The following SIGLEC9 variants were observed in gnomAD, a reference collection of about 807,000 sequenced individuals.
SIGLEC9 encodes sialic acid binding Ig like lectin 9.
Under a neutral mutation model 38.3 loss-of-function variants are expected in SIGLEC9, and 26 were observed. That is an observed-to-expected ratio of 0.68 (90% CI 0.50 to 0.94). SIGLEC9 has a LOEUF of 0.94. Among genes scored for constraint, SIGLEC9 ranks in the 40% least tolerant of loss-of-function variants. The pLI is 0.00. For missense variants in SIGLEC9, 556 were observed against 585.7 expected (o/e 0.95, Z 0.52); for synonymous variants, 236 against 248.0 (o/e 0.95, Z 0.45).
chr19:51,125,068 C>T lies in SIGLEC9; in HGVS notation c.94C>T (p.Gln32Ter). ...LLTMQSSVTV[Q>*]EGLCVHVPCS... Reference sequence around the variant, plus strand: ...GACGATGCAGAGTTCCGTGACGGTGCAGGAAGGCCTGTGTGTCCATGTGCC... The same window carrying T: ...GACGATGCAGAGTTCCGTGACGGTGTAGGAAGGCCTGTGTGTCCATGTGCC... The change falls in exon 1 of 7, where the codon CAG (glutamine) becomes TAG (stop). Residue 32 changes from glutamine to a stop codon, truncating the protein, a stop_gained. Transcript: ENST00000250360. LOFTEE classifies it high-confidence loss of function. 3.7e-6 allele frequency: 6 copies of T among 1,614,074 alleles called. No homozygotes were observed. The highest frequency in any genetic ancestry group is 5.1e-6 in the Non-Finnish European group (6 of 1,179,980).
In SIGLEC9 at chr19:51,125,377, C is replaced by G. The variant is rs1212085377; in HGVS notation, c.403C>G (p.Leu135Val). The G allele has an allele frequency of 6.3e-7, 1 of 1,586,808 alleles. No individual in the cohort carries two copies. The highest frequency in any genetic ancestry group is 8.6e-7 in the Non-Finnish European group (1 of 1,165,502). Residue 135 changes from leucine to valine, a missense_variant, in exon 1 of 7, where the codon CTC (leucine) becomes GTC (valine). Leu to Val is a conservative substitution (Grantham distance 32, BLOSUM62 1). Coordinates refer to ENST00000250360, the MANE Select transcript of SIGLEC9 (RefSeq NM_014441.3). ...AAAATGGAATTATAAACATCACCGG[C>G]TCTCTGTGAATGTGACAGGTAAGGC... ...SIKWNYKHHR[L>V]SVNVTALTHR...
At chr19:51,129,146 G>GTTT (rs750894593) in intron 6 of SIGLEC9, among the ~76,000 whole-genome samples, 3 of 136,184 alleles carry the variant, frequency 2.2e-5, no homozygotes, top group Non-Finnish European at 3.1e-5. Context: ...GACTTTTTTT[G>GTTT]TTTTTTTTTT....
intron 6 of SIGLEC9, among the ~76,000 whole-genome samples, chr19:51,129,483 C>T (rs1890658156): frequency 6.6e-6 from 1 of 151,858 alleles, no homozygotes; most frequent in South Asian, 2.1e-4. Flanking sequence ...TAAGCACCTA[C>T]CTCTCCACTA....
chr19:51,133,564 AGAGT>A (rs2092028189), downstream of SIGLEC9, among the ~76,000 whole-genome samples: 1 of 152,208 alleles, frequency 6.6e-6, no homozygotes, highest in Non-Finnish European at 1.5e-5. Flanking sequence ...GCCTGGCGAC[AGAGT>A]GAGACCCCAT....
rs2091976879 is a variant in SIGLEC9, at chr19:51,125,996, CCT to C, written c.701-84_701-83del. 1.9e-6 allele frequency: 3 copies of C among 1,580,344 alleles called. No individual in the cohort carries two copies. The African/African-American group carries it at 4.0e-5, about 21-fold the overall frequency. On this transcript the variant is annotated intron_variant, in intron 2 of 6. Transcript: ENST00000250360. The stretch of plus-strand genomic sequence containing the variant: ...TCAGGAGGACACTGGCTCTGCCTTC[CCT>C]GTTTATGCGGCTCCTGGGGACAGAC...
At chr19:51,124,346 C>T (rs757373501), upstream of SIGLEC9, among the ~76,000 whole-genome samples, 7 of 152,130 alleles carry the variant, frequency 4.6e-5, no homozygotes, top group Non-Finnish European at 8.8e-5. Flanking sequence ...GGGAGAGTGA[C>T]CCCATCCTGC....
At chr19:51,128,761 C>T in intron 6 of SIGLEC9, 1 of 438,700 alleles carries the variant, frequency 2.3e-6, no homozygotes, top group Non-Finnish European at 4.2e-6. Flanking sequence ...CACCTGTCTG[C>T]CTGTCTCCTC....
upstream of SIGLEC9, chr19:51,124,904 C>A: frequency 6.5e-7 from 1 of 1,541,342 alleles, no homozygotes; most frequent in Non-Finnish European, 8.7e-7. Context: ...AGTCTTGAGC[C>A]CGCAGTTCCT....
chr19:51,128,346 G>T, intron 5 of SIGLEC9, 68 bp from the exon 6 acceptor site: 3 of 1,541,510 alleles, frequency 1.9e-6, no homozygotes, highest in Non-Finnish European at 2.7e-6. Flanking sequence ...AAACACATGG[G>T]GGTACCTGGT....
chr19:51,132,721 C>T (rs1464999613), downstream of SIGLEC9, among the ~76,000 whole-genome samples: 1 of 152,164 alleles, frequency 6.6e-6, no homozygotes, highest in Non-Finnish European at 1.5e-5. Flanking sequence ...CTGTATAAAC[C>T]TCTTTTCTTT....
In SIGLEC9 at chr19:51,125,599, T is replaced by C; in HGVS notation, c.424T>C (p.Leu142=). 6.2e-7 allele frequency: 1 copy of C among 1,610,106 alleles called. No individual in the cohort carries two copies. Among genetic ancestry groups the C allele is most frequent in the South Asian group, 1.1e-5 (1 of 91,088 alleles). ...HHRLSVNVTA[L]THRPNILIPG... ...CTGAGTCCCCCTCTCTTCACCAGCC[T>C]TGACCCACAGGCCCAACATCCTCAT... The change falls in exon 2 of 7, where the codon TTG becomes CTG. Residue 142 remains leucine (L), a splice_region_variant and synonymous_variant. Transcript: ENST00000250360.
At chr19:51,136,164 T>G in exon 7 of SIGLEC9, 1 of 703,672 alleles carries the variant, frequency 1.4e-6, no homozygotes, top group East Asian at 2.7e-5. Context: ...GTGTCAGATT[T>G]CTTTCACTGG....
intron 6 of SIGLEC9, among the ~76,000 whole-genome samples, chr19:51,129,159 T>G (rs2569444): frequency 0.49 from 69,873 of 143,962 alleles, 17,401 homozygotes; most frequent in South Asian, 0.58. Flanking sequence ...TTTTTTTTTT[T>G]TTGTTGTTGT....
At chr19:51,123,695 T>C (rs1051058682), upstream of SIGLEC9, among the ~76,000 whole-genome samples, 2 of 152,026 alleles carry the variant, frequency 1.3e-5, no homozygotes, top group Non-Finnish European at 2.9e-5. Flanking sequence ...ATCCCCAGTG[T>C]TCTGTTTCTC....
upstream of SIGLEC9, chr19:51,124,765 G>A: frequency 1.6e-6 from 1 of 631,538 alleles, no homozygotes; most frequent in Non-Finnish European, 2.7e-6. Flanking sequence ...ACCCAGGAGT[G>A]AACATGGGGT....
At position 51,128,331 on chromosome 19, in the gene SIGLEC9, A is replaced by G. The variant is rs556244552; in HGVS notation, c.1107-83A>G. On this transcript the variant is annotated intron_variant, in intron 5 of 6. Coordinates refer to ENST00000250360, the MANE Select transcript of SIGLEC9 (RefSeq NM_014441.3). ...CCTCAGTCACCCCTGCAGTCCCTTAATAGGAAACACATGGGGGTACCTGGT... is the reference window on the plus strand; with the variant it reads ...CCTCAGTCACCCCTGCAGTCCCTTAGTAGGAAACACATGGGGGTACCTGGT... 13 of 1,493,946 alleles carry G rather than the reference A, an allele frequency of 8.7e-6. No homozygotes were observed. The African/African-American group carries it at 1.4e-4, about 16-fold the overall frequency. The allele number at this position is 1,493,946 out of a possible 1,614,324, so 92.5% of individuals were successfully genotyped here. A position where few individuals can be genotyped will look rare whatever the true frequency, so the allele number is the denominator to read the frequency against.
chr19:51,126,964 T>C, intron 3 of SIGLEC9, 66 bp from the exon 4 acceptor site: 1 of 1,474,012 alleles, frequency 6.8e-7, no homozygotes, highest in East Asian at 2.3e-5. Context: ...CATCAGTCTC[T>C]TTCTGTATCC....
chr19:51,125,593 C>A lies in SIGLEC9; in HGVS notation c.422-4C>A. ...CTGATCCTGAGTCCCCCTCTCTTCA[C>A]CAGCCTTGACCCACAGGCCCAACAT... On this transcript the variant is annotated splice_polypyrimidine_tract_variant and splice_region_variant and intron_variant, in intron 1 of 6. Coordinates refer to ENST00000250360, the MANE Select transcript of SIGLEC9 (RefSeq NM_014441.3). 6.2e-7 allele frequency: 1 copy of A among 1,609,422 alleles called. No individual in the cohort carries two copies. Among genetic ancestry groups the A allele is most frequent in the Non-Finnish European group, 8.5e-7 (1 of 1,179,844 alleles).
chr19:51,129,154 T>TG, intron 6 of SIGLEC9, among the ~76,000 whole-genome samples: 1 of 145,456 alleles, frequency 6.9e-6, no homozygotes, highest in African/African-American at 2.8e-5. Context: ...TTGTTTTTTT[T>TG]TTTTTTTGTT....
Sources: gnomAD v4.1 joint callset for allele counts (sites outside exome capture counted in the v4.1 genomes callset) on GRCh38, gnomAD v4.1.1 for gene constraint, MANE v1.5 for transcripts, NCBI Gene and HGNC (gene_info 2026-07-23, HGNC 2026-07-21) for gene names.